Variants in CHAF1A observed in about 807,000 individuals in gnomAD.
CHAF1A encodes the protein chromatin assembly factor 1 subunit A.
CHAF1A carries 5 observed loss-of-function variants against 93.2 expected under a neutral mutation model. That is an observed-to-expected ratio of 0.05 (90% CI 0.03 to 0.11). CHAF1A has a LOEUF of 0.11. Among genes scored for constraint, CHAF1A ranks in the 10% least tolerant of loss-of-function variants. CHAF1A has a pLI of 1.00. For synonymous variants in CHAF1A, 504 were observed against 510.3 expected, an observed-to-expected ratio of 0.99 and a Z score of 0.17; for missense variants, 1,102 against 1,259.9, an observed-to-expected ratio of 0.87 and a Z score of 1.90.
At chr19:4,421,515 G>A (rs370625631) in intron 4 of CHAF1A, among the ~76,000 whole-genome samples, 12 of 152,246 alleles carry the variant, frequency 7.9e-5, no homozygotes, top group East Asian at 5.8e-4. Context: ...TGGGGCTCAT[G>A]CCTATAATTC....
chr19:4,435,184 G>A (rs1291386210), intron 13 of CHAF1A, among the ~76,000 whole-genome samples: 2 of 135,856 alleles, frequency 1.5e-5, no homozygotes, highest in Non-Finnish European at 3.0e-5. Context: ...TCCGCCTCCC[G>A]GGTTCACACC....
intron 1 of CHAF1A, among the ~76,000 whole-genome samples, chr19:4,403,819 G>C (rs1016428082): frequency 2.6e-5 from 4 of 152,238 alleles, no homozygotes; most frequent in African/African-American, 7.2e-5. Context: ...TGGTACTGTC[G>C]TGGAGCTGTG....
At position 4,433,010 on chromosome 19, in the gene CHAF1A, T is replaced by G. The variant is rs1318544652; in HGVS notation, c.2204-60T>G. 1.3e-5 allele frequency: 17 copies of G among 1,347,254 alleles called. No individual in the cohort carries two copies. The highest frequency in any genetic ancestry group is 2.1e-4 in the Middle Eastern group (1 of 4,784). The allele number at this position is 1,347,254 out of a possible 1,614,324, so 83.5% of individuals were successfully genotyped here. A position where few individuals can be genotyped will look rare whatever the true frequency, so the allele number is the denominator to read the frequency against. ...GAGCTTGTGTATGTGTTTTGTTTTTTGGCCTGTGGTGATGGGTGGCTCCCC... is the reference window on the plus strand; with the variant it reads ...GAGCTTGTGTATGTGTTTTGTTTTTGGGCCTGTGGTGATGGGTGGCTCCCC... On this transcript the variant is annotated intron_variant, in intron 12 of 14. Coordinates refer to ENST00000301280, the MANE Select transcript of CHAF1A (RefSeq NM_005483.3). This position sits in a 1 kb window ranked among gnomAD's most constrained non-coding sequence, Gnocchi z 5.6.
chr19:4,427,976 A>C (rs1414886255), intron 7 of CHAF1A, among the ~76,000 whole-genome samples: 49 of 140,368 alleles, frequency 3.5e-4, no homozygotes, highest in South Asian at 6.8e-4. Context: ...CGCCCTCCTC[A>C]GCCTCCCAAA....
intron 7 of CHAF1A, among the ~76,000 whole-genome samples, chr19:4,426,349 A>G (rs1416896574): frequency 6.6e-6 from 1 of 150,922 alleles, no homozygotes; most frequent in African/African-American, 2.4e-5. Flanking sequence ...TTGTATTTTT[A>G]GTAGAGACGG....
At chr19:4,403,323 T>C (rs943352260) in intron 1 of CHAF1A, among the ~76,000 whole-genome samples, 10 of 152,158 alleles carry the variant, frequency 6.6e-5, no homozygotes, top group Non-Finnish European at 1.5e-5. Flanking sequence ...GAGTTCTTGC[T>C]CCTTCCTGAT....
rs368639662 is a variant in CHAF1A, at chr19:4,408,964, C to G, written c.165C>G (p.Asp55Glu). 4 of 1,613,744 alleles carry G rather than the reference C, an allele frequency of 2.5e-6. No homozygotes were observed. Among genetic ancestry groups the G allele is most frequent in the Admixed American group, 1.7e-5 (1 of 59,910 alleles). Residue 55 changes from aspartate (D) to glutamate (E), a missense_variant, in exon 3 of 15, where the codon GAC becomes GAG. This residue lies in a region of CHAF1A where 379 missense variants were observed against 365.7 expected (regional missense o/e 1.04). Transcript: ENST00000301280. Reference sequence around the variant, plus strand: ...AGGGGAAAGCCGATGACATGTCAGACGATCAGGGTACTTCTGTGCAAAGTA... The same window carrying G: ...AGGGGAAAGCCGATGACATGTCAGAGGATCAGGGTACTTCTGTGCAAAGTA... Reference protein sequence around the residue: ...VPKGKADDMSDDQGTSVQSKS... With the variant: ...VPKGKADDMSEDQGTSVQSKS...
At chr19:4,424,381 G>A (rs1974043639) in intron 7 of CHAF1A, among the ~76,000 whole-genome samples, 2 of 152,170 alleles carry the variant, frequency 1.3e-5, no homozygotes, top group South Asian at 4.1e-4. Context: ...TCCACTCACT[G>A]TATTTATACA....
chr19:4,427,561 C>T (rs1974107222), intron 7 of CHAF1A, among the ~76,000 whole-genome samples: 1 of 149,320 alleles, frequency 6.7e-6, no homozygotes, highest in South Asian at 2.1e-4. Flanking sequence ...TACAGGTGCC[C>T]ACCACCATGC....
chr19:4,421,507 G>A (rs1221532863), intron 4 of CHAF1A, among the ~76,000 whole-genome samples: 1 of 152,096 alleles, frequency 6.6e-6, no homozygotes, highest in Non-Finnish European at 1.5e-5. Context: ...CTGGGTGCTG[G>A]GGCTCATGCC....
chr19:4,440,293 A>G (rs917171437), intron 13 of CHAF1A, among the ~76,000 whole-genome samples: 6 of 152,022 alleles, frequency 3.9e-5, no homozygotes, highest in Admixed American at 1.3e-4. Context: ...CTTTGGTGAA[A>G]GCAAATGGAA....
chr19:4,445,941 C>A, downstream of CHAF1A: 1 of 1,478,444 alleles, frequency 6.8e-7, no homozygotes, highest in South Asian at 1.4e-5. Context: ...CCTGCCCAGG[C>A]CCCCTGCTCT....
In CHAF1A at chr19:4,410,341, A is replaced by G. The variant is rs547646546; in HGVS notation, c.960+582A>G. 9.5e-4 allele frequency among the ~76,000 whole-genome samples: 145 copies of G among 151,944 alleles called. 1 individual carries two copies. The highest frequency in any genetic ancestry group is 3.4e-3 in the Middle Eastern group (1 of 292). ...GAGGATCGCTTGAAGATCACTTCAA[A>G]ACCAACCTGGGCAACATAGACACCA... On this transcript the variant is annotated intron_variant, in intron 3 of 14. Transcript: ENST00000301280.
At chr19:4,434,904 G>A (rs143988312) in intron 13 of CHAF1A, among the ~76,000 whole-genome samples, 71 of 152,124 alleles carry the variant, frequency 4.7e-4, no homozygotes, top group African/African-American at 1.6e-3. Context: ...AGGCACAAGC[G>A]CATGGAGCCC....
chr19:4,409,146 T>A lies in CHAF1A; in HGVS notation c.347T>A (p.Ile116Asn). ...ACCAGTATTGGCCAGAGCACAGTCA[T>A]CATTGATTTGACAGAGGACTCGAAT... Reference protein sequence around the residue: ...IETSIGQSTVIIDLTEDSNEQ... With the variant: ...IETSIGQSTVNIDLTEDSNEQ... Residue 116 changes from isoleucine (I) to asparagine (N), a missense_variant, in exon 3 of 15, where the codon ATC becomes AAC. Ile to Asn is a moderately radical substitution (Grantham distance 149). This residue lies in a region of CHAF1A where 379 missense variants were observed against 365.7 expected (regional missense o/e 1.04). Coordinates refer to ENST00000301280, the MANE Select transcript of CHAF1A (RefSeq NM_005483.3). 1 of 1,614,162 alleles carries A rather than the reference T, an allele frequency of 6.2e-7. No individual in the cohort carries two copies. Among genetic ancestry groups the A allele is most frequent in the Non-Finnish European group, 8.5e-7 (1 of 1,180,028 alleles).
Position 4,402,694 on chromosome 19 carries a change from G to A in CHAF1A, c.-69G>A. 2 of 1,038,518 alleles carry A rather than the reference G, an allele frequency of 1.9e-6. No individual in the cohort carries two copies. The highest frequency in any genetic ancestry group is 2.4e-6 in the Non-Finnish European group (2 of 822,738). The allele number at this position is 1,038,518 out of a possible 1,614,324, so 64.3% of individuals were successfully genotyped here. A position where few individuals can be genotyped will look rare whatever the true frequency, so the allele number is the denominator to read the frequency against. On this transcript the variant is annotated 5_prime_UTR_variant, in exon 1 of 15. Coordinates refer to ENST00000301280, the MANE Select transcript of CHAF1A (RefSeq NM_005483.3). ...GCAGCGGCGCGGGCGGGAGGGCGAA[G>A]AGCAGCGGCCGCCTGAGGGGAGCCC...
chr19:4,438,689 A>T (rs1398808214), intron 13 of CHAF1A, among the ~76,000 whole-genome samples: 1 of 152,196 alleles, frequency 6.6e-6, no homozygotes, highest in Non-Finnish European at 1.5e-5. Context: ...AATAAAACTA[A>T]AGAAGCATAG....
In CHAF1A at chr19:4,442,312, G is replaced by A. The variant is rs772065603; in HGVS notation, c.2741G>A (p.Cys914Tyr). 1.2e-6 allele frequency: 2 copies of A among 1,608,822 alleles called. No homozygotes were observed. The highest frequency in any genetic ancestry group is 1.7e-6 in the Non-Finnish European group (2 of 1,177,246). The change falls in exon 14 of 15, where the codon TGT becomes TAT. Residue 914 changes from cysteine (C) to tyrosine (Y), a missense_variant. Cys to Tyr is a radical substitution (Grantham distance 194). Around this residue, in one of 6 missense-constraint regions of CHAF1A, gnomAD observed 119 missense variants for 102.2 expected, o/e 1.16. Transcript: ENST00000301280. ...TEEEEEEEGD[C>Y]MIVDVPDAAE... ...GAGGAGGAAGAGGAGGAGGGCGACTGTATGATCGTGGATGTCCCGGATGCT... is the reference window on the plus strand; with the variant it reads ...GAGGAGGAAGAGGAGGAGGGCGACTATATGATCGTGGATGTCCCGGATGCT...
At chr19:4,438,036 C>T (rs185227101) in intron 13 of CHAF1A, among the ~76,000 whole-genome samples, 76 of 152,246 alleles carry the variant, frequency 5.0e-4, no homozygotes, top group Non-Finnish European at 6.6e-4. Context: ...ACACCACGCC[C>T]GGCATCTTTT....
Sources: gnomAD v4.1 joint callset for allele counts (sites outside exome capture counted in the v4.1 genomes callset) on GRCh38, gnomAD v4.1.1 for gene constraint, gnomAD v4.1.1 regional missense constraint, Gnocchi (gnomAD v3.1) non-coding constraint, MANE v1.5 for transcripts, NCBI Gene and HGNC (gene_info 2026-07-23, HGNC 2026-07-21) for gene names.